Variants in AUH observed in about 807,000 individuals in gnomAD.
The protein encoded by AUH is AU RNA binding methylglutaconyl-CoA hydratase.
AUH carries 29 observed loss-of-function variants against 42.3 expected under a neutral mutation model. The ratio of observed to expected loss-of-function variants is 0.69; its 90% CI spans 0.51 to 0.93. The LOEUF (loss-of-function observed/expected upper bound fraction) is 0.93, where lower values mean the gene tolerates loss of function less well. AUH is among the 40% of genes least tolerant of loss of function. AUH has a pLI of 0.00. For synonymous variants in AUH, 174 were observed against 166.4 expected (o/e 1.05, Z -0.35); for missense variants, 452 against 438.1 (o/e 1.03, Z -0.28).
intron 4 of AUH, among the ~76,000 whole-genome samples, chr9:91,314,449 C>T (rs1214670551): frequency 6.7e-6 from 1 of 148,968 alleles, no homozygotes; most frequent in Non-Finnish European, 1.5e-5. Flanking sequence ...CACCACTGCA[C>T]TCCAGCCTGG....
At chr9:91,289,192 T>C (rs1455352141) in intron 6 of AUH, among the ~76,000 whole-genome samples, 1 of 152,224 alleles carries the variant, frequency 6.6e-6, no homozygotes, top group African/African-American at 2.4e-5. Context: ...TGTAATAACT[T>C]AGCAGAAGAT....
intron 3 of AUH, among the ~76,000 whole-genome samples, chr9:91,328,163 C>T (rs1286828885): frequency 6.6e-6 from 1 of 152,184 alleles, no homozygotes; most frequent in Non-Finnish European, 1.5e-5. Context: ...GGATTCAACC[C>T]CTTCTAATCT....
chr9:91,244,191 C>A (rs1234699279), intron 6 of AUH, among the ~76,000 whole-genome samples: 1 of 152,160 alleles, frequency 6.6e-6, no homozygotes, highest in Non-Finnish European at 1.5e-5. Context: ...CTACCCACAA[C>A]ATATAAAATG....
At position 91,299,766 on chromosome 9, in the gene AUH, A is replaced by T. The variant is rs77270458; in HGVS notation, c.506-1690T>A. ...CCTGAGCTACTACAAGTAGAATGTA[A>T]TGACTTTGGTTACCGACTCTCAACT... On this transcript the variant is annotated intron_variant, in intron 4 of 9. Coordinates refer to ENST00000375731, the MANE Select transcript of AUH (RefSeq NM_001698.3). Among the ~76,000 whole-genome samples, 792 of 152,270 alleles carry T rather than the reference A, an allele frequency of 5.2e-3. 26 individuals carry two copies. The East Asian group carries it at 0.09, about 17-fold the overall frequency.
At chr9:91,231,328 C>T (rs1587650624) in intron 6 of AUH, among the ~76,000 whole-genome samples, 3 of 152,182 alleles carry the variant, frequency 2.0e-5, no homozygotes, top group Admixed American at 6.5e-5. Context: ...CAGGTGCCGT[C>T]GGTCACCCCT....
intron 6 of AUH, among the ~76,000 whole-genome samples, chr9:91,242,534 T>A (rs116864557): frequency 1.3e-5 from 2 of 152,118 alleles, no homozygotes; most frequent in Non-Finnish European, 2.9e-5. Context: ...AACAATCCTT[T>A]TGGAAAGCTC....
intron 6 of AUH, among the ~76,000 whole-genome samples, chr9:91,279,444 A>G (rs1825799444): frequency 6.6e-6 from 1 of 152,166 alleles, no homozygotes; most frequent in Non-Finnish European, 1.5e-5. Flanking sequence ...TAAAGAAAAG[A>G]GGTTTAATTG....
intron 3 of AUH, among the ~76,000 whole-genome samples, chr9:91,351,452 C>T (rs1404129212): frequency 6.6e-6 from 1 of 152,084 alleles, no homozygotes; most frequent in East Asian, 1.9e-4. Flanking sequence ...TTCTAATGAG[C>T]GCATCGGTAT....
In AUH at chr9:91,355,465, G is replaced by A. The variant is rs549058586; in HGVS notation, c.418+418C>T. Among the ~76,000 whole-genome samples the A allele has an allele frequency of 1.1e-4, 16 of 152,118 alleles. No homozygotes were observed. In the East Asian group the frequency reaches 2.9e-3, roughly 28 times the overall value. ...CCAGCTACTCGGGGGGCTGAGGCGG[G>A]AGAATCACTTGAACTGGGGAGACGA... On this transcript the variant is annotated intron_variant, in intron 3 of 9. Coordinates refer to ENST00000375731, the MANE Select transcript of AUH (RefSeq NM_001698.3).
intron 6 of AUH, among the ~76,000 whole-genome samples, chr9:91,285,700 C>T (rs1205379187): frequency 6.6e-6 from 1 of 152,086 alleles, no homozygotes; most frequent in African/African-American, 2.4e-5. Context: ...GGTCTGTACA[C>T]AGTACAAAGT....
chr9:91,247,215 G>A (rs566305703), intron 6 of AUH, among the ~76,000 whole-genome samples: 10 of 152,092 alleles, frequency 6.6e-5, no homozygotes, highest in African/African-American at 2.2e-4. Context: ...GTCTACATCC[G>A]GACAGAGAAA....
At chr9:91,312,024 T>A (rs952215667) in intron 4 of AUH, among the ~76,000 whole-genome samples, 3 of 150,408 alleles carry the variant, frequency 2.0e-5, no homozygotes, top group Admixed American at 1.3e-4. Flanking sequence ...TTTTTTTTTT[T>A]AAAGAACAAA....
At chr9:91,302,504 G>A (rs547161173) in intron 4 of AUH, among the ~76,000 whole-genome samples, 2 of 152,150 alleles carry the variant, frequency 1.3e-5, no homozygotes, top group African/African-American at 2.4e-5. Context: ...CAGGAGAATC[G>A]CTTGAACCCA....
At chr9:91,349,960 G>C (rs1268630064) in intron 3 of AUH, among the ~76,000 whole-genome samples, 1 of 152,112 alleles carries the variant, frequency 6.6e-6, no homozygotes, top group Non-Finnish European at 1.5e-5. Context: ...AACCTGAAGG[G>C]TATGACTGTG....
chr9:91,337,354 T>C (rs547904211), intron 3 of AUH, among the ~76,000 whole-genome samples: 1 of 152,300 alleles, frequency 6.6e-6, no homozygotes, highest in South Asian at 2.1e-4. Flanking sequence ...CTCCTCCTAT[T>C]TCCTGATGGC....
chr9:91,238,803 G>A (rs1296338629), intron 6 of AUH, among the ~76,000 whole-genome samples: 1 of 152,204 alleles, frequency 6.6e-6, no homozygotes, highest in Non-Finnish European at 1.5e-5. Context: ...TTTTGCCAGA[G>A]AAGGCAAGAA....
chr9:91,231,152 G>A (rs902153832), intron 6 of AUH, among the ~76,000 whole-genome samples: 60 of 152,296 alleles, frequency 3.9e-4, no homozygotes, highest in African/African-American at 1.1e-3. Context: ...CCCCAGCCTC[G>A]GTGCTGCCTT....
At chr9:91,352,920 T>C (rs1832099827) in intron 3 of AUH, among the ~76,000 whole-genome samples, 1 of 152,184 alleles carries the variant, frequency 6.6e-6, no homozygotes, top group Admixed American at 6.5e-5. Flanking sequence ...GCAAGACCAT[T>C]TGCTAAGCTT....
intron 6 of AUH, among the ~76,000 whole-genome samples, chr9:91,277,830 T>C (rs537504448): frequency 6.6e-6 from 1 of 152,384 alleles, no homozygotes; most frequent in African/African-American, 2.4e-5. Context: ...TTAGTGTTTA[T>C]ATATTTTCCT....
Sources: allele counts gnomAD v4.1 joint callset (sites outside exome capture counted in the v4.1 genomes callset), GRCh38; gene constraint gnomAD v4.1.1; transcripts MANE v1.5; gene names NCBI Gene and HGNC (gene_info 2026-07-23, HGNC 2026-07-21).